The following NEB variants were observed in gnomAD, a reference collection of about 807,000 sequenced individuals.
NEB encodes nemaline myopathy type 2.
Under a neutral mutation model 952.2 loss-of-function variants are expected in NEB, and 512 were observed. The observed-to-expected ratio is 0.54, with a 90% CI of 0.50 to 0.58. NEB has a LOEUF of 0.58. Among genes scored for constraint, NEB ranks in the 20% least tolerant of loss-of-function variants. The probability of loss-of-function intolerance (pLI) is 0.00; values close to 1 mark genes in which losing one functional copy is unlikely to be tolerated. For synonymous variants in NEB, 2,900 were observed against 3,149.8 expected (o/e 0.92, Z 2.66); for missense variants, 8,428 against 9,231.1 (o/e 0.91, Z 3.56).
At chr2:151,532,540 G>A (rs541389349) in intron 143 of NEB, among the ~76,000 whole-genome samples, 1 of 152,254 alleles carries the variant, frequency 6.6e-6, no homozygotes, top group African/African-American at 2.4e-5. Context: ...AAGCAGGACA[G>A]ATACAGAGAG....
At chr2:151,679,661 A>AGGC in intron 32 of NEB, 60 bp downstream of exon 32, 5 of 492,374 alleles carry the variant, frequency 1.0e-5, no homozygotes, top group East Asian at 5.0e-5. Flanking sequence ...TCATCGTCAG[A>AGGC]CCCCAAGCCC....
chr2:151,636,798 CA>C (rs576556678), intron 63 of NEB, among the ~76,000 whole-genome samples: 321 of 142,594 alleles, frequency 2.3e-3, no homozygotes, highest in African/African-American at 7.1e-3. Context: ...CAAAACAAAA[CA>C]AAAAAAAAAG....
chr2:151,643,777 G>A (rs2098918405), intron 57 of NEB, 41 bp downstream of exon 57: 7 of 1,595,690 alleles, frequency 4.4e-6, no homozygotes, highest in Non-Finnish European at 6.0e-6. Flanking sequence ...TTAAAAAGCA[G>A]ACATAATGTT....
chr2:151,706,174 T>G (rs758295155), intron 13 of NEB, among the ~76,000 whole-genome samples: 67 of 152,340 alleles, frequency 4.4e-4, no homozygotes, highest in Admixed American at 9.8e-4. Context: ...TTCCCACACC[T>G]GCTCCCCAAC....
chr2:151,503,920 C>T (rs1426210098), intron 165 of NEB, among the ~76,000 whole-genome samples: 1 of 152,054 alleles, frequency 6.6e-6, no homozygotes, highest in Non-Finnish European at 1.5e-5. Flanking sequence ...TCTGTAGGAG[C>T]CTAGTCCCTG....
At chr2:151,651,732 T>C (rs2099032048) in intron 52 of NEB, among the ~76,000 whole-genome samples, 3 of 152,350 alleles carry the variant, frequency 2.0e-5, no homozygotes, top group Admixed American at 1.3e-4. Context: ...ATTTACTTGA[T>C]GTTAGGTGCT....
In NEB at chr2:151,612,189, G is replaced by C; in HGVS notation, c.11802C>G (p.Ser3934Arg). The change falls in exon 78 of 182, where the codon AGC (serine) becomes AGG (arginine). Residue 3934 changes from serine to arginine, a missense_variant. This residue lies in a region of NEB where 337 missense variants were observed against 297.5 expected (regional missense o/e 1.13). Coordinates refer to ENST00000397345, the MANE Select transcript of NEB (RefSeq NM_001164508.2). ...VLAKNNALTMSKHLYTEAWDA... is the reference protein window; with the variant it reads ...VLAKNNALTMRKHLYTEAWDA... ...CAGAAAACAGCTGGAGACTCACCTT[G>C]CTCATTGTCAGGGCATTATTCTTTG... The C allele has an allele frequency of 1.2e-6, 2 of 1,612,874 alleles. No individual in the cohort carries two copies. Among genetic ancestry groups the C allele is most frequent in the Non-Finnish European group, 1.7e-6 (2 of 1,179,116 alleles).
intron 13 of NEB, among the ~76,000 whole-genome samples, chr2:151,702,888 G>A (rs2099681653): frequency 6.6e-6 from 1 of 151,906 alleles, no homozygotes; most frequent in Non-Finnish European, 1.5e-5. Context: ...ATATTGTTAT[G>A]TGTGAATTTG....
Position 151,496,369 on chromosome 2 carries a change from C to T in NEB, c.24394-1G>A, listed in dbSNP as rs1421095081. 3.1e-6 allele frequency: 5 copies of T among 1,605,278 alleles called. No individual in the cohort carries two copies. In the East Asian group the frequency reaches 6.7e-5, roughly 22 times the overall value. ...TGCCCATGTTTTCTTTGTATAACAC[C>T]TGTGCGATGAGAAAGCATCCAGAAA... is the stretch of plus-strand genomic sequence containing the variant. On this transcript the variant is annotated splice_acceptor_variant, in intron 172 of 181. Transcript: ENST00000397345. LOFTEE classifies it high-confidence loss of function.
intron 123 of NEB, 67 bp downstream of exon 123, chr2:151,560,937 A>C: frequency 1.0e-6 from 1 of 982,582 alleles, no homozygotes; most frequent in Non-Finnish European, 1.5e-6. Flanking sequence ...CATCCCATTT[A>C]TTCTCTTACT....
chr2:151,534,424 G>C (rs978028862), intron 142 of NEB: 33 of 920,656 alleles, frequency 3.6e-5, no homozygotes, highest in Non-Finnish European at 2.4e-5. Flanking sequence ...CATCTCTAGT[G>C]GCGGGCTCCC....
chr2:151,667,734 T>C, intron 40 of NEB, 70 bp downstream of exon 40: 1 of 1,211,198 alleles, frequency 8.3e-7, no homozygotes, highest in Middle Eastern at 2.0e-4. Context: ...TCTTGCTATG[T>C]TGCCCAGGCT....
intron 2 of NEB, 68 bp from the exon 3 acceptor site, chr2:151,733,253 A>C: frequency 9.0e-7 from 1 of 1,111,852 alleles, no homozygotes; most frequent in Non-Finnish European, 1.3e-6. Context: ...ATCTTATGAC[A>C]TTATAAAAAT....
intron 160 of NEB, among the ~76,000 whole-genome samples, chr2:151,513,097 T>G (rs551937560): frequency 1.3e-5 from 2 of 152,266 alleles, no homozygotes; most frequent in African/African-American, 2.4e-5. Context: ...CATCAACAGA[T>G]AGTAAGGCAT....
At chr2:151,501,682 A>T (rs2064682448) in intron 167 of NEB, among the ~76,000 whole-genome samples, 199 bp from the exon 168 acceptor site, 1 of 152,250 alleles carries the variant, frequency 6.6e-6, no homozygotes, top group Admixed American at 6.5e-5. Flanking sequence ...TCTAAAAGAC[A>T]TCAGTAAAAC....
intron 155 of NEB, 67 bp downstream of exon 155, chr2:151,518,898 G>T: frequency 1.9e-6 from 2 of 1,052,594 alleles, no homozygotes; most frequent in South Asian, 2.6e-5. Flanking sequence ...GATGCATCTG[G>T]GCTCAGAAAG....
intron 181 of NEB, among the ~76,000 whole-genome samples, chr2:151,487,046 TGTGTG>T (rs1044228849): frequency 1.1e-4 from 16 of 151,370 alleles, no homozygotes; most frequent in Admixed American, 2.0e-4. Flanking sequence ...TGCATGAAAT[TGTGTG>T]TGTGTGCGCA....
intron 118 of NEB, 25 bp from the exon 119 acceptor site, chr2:151,563,744 A>G (rs1383004710): frequency 6.2e-7 from 1 of 1,610,270 alleles, no homozygotes; most frequent in Non-Finnish European, 8.5e-7. Context: ...AAACATTGAG[A>G]ATCGCTGGAG....
rs867451937 is a variant in NEB at position 151,579,026 on chromosome 2, G to A, written c.16704+312C>T. ...AACCTGGGAGGCGGAGGTTGCAGTG[G>A]GCTGAGATTGCACCACTGCACTCCA... On this transcript the variant is annotated intron_variant, in intron 105 of 181. Coordinates refer to ENST00000397345, the MANE Select transcript of NEB (RefSeq NM_001164508.2). Among the ~76,000 whole-genome samples, 337 of 148,348 alleles carry A rather than the reference G, an allele frequency of 2.3e-3. 1 individual carries two copies. Among genetic ancestry groups the A allele is most frequent in the Non-Finnish European group, 3.5e-3 (238 of 67,100 alleles).
Sources: gnomAD v4.1 joint callset for allele counts (sites outside exome capture counted in the v4.1 genomes callset) on GRCh38, gnomAD v4.1.1 for gene constraint, gnomAD v4.1.1 regional missense constraint, MANE v1.5 for transcripts, NCBI Gene and HGNC (gene_info 2026-07-23, HGNC 2026-07-21) for gene names.